The following DOCK6 variants were observed in gnomAD, a reference collection of about 807,000 sequenced individuals.
DOCK6 encodes dedicator of cytokinesis 6.
DOCK6 carries 167 observed loss-of-function variants against 230.3 expected under a neutral mutation model. The observed-to-expected ratio is 0.73, with a 90% CI of 0.64 to 0.82. DOCK6 has a LOEUF of 0.82. Among genes scored for constraint, DOCK6 ranks in the 40% least tolerant of loss-of-function variants. DOCK6 has a pLI of 0.00. For synonymous variants in DOCK6, 1,148 were observed against 1,185.0 expected, an observed-to-expected ratio of 0.97 and a Z score of 0.64; for missense variants, 2,598 against 2,825.8, an observed-to-expected ratio of 0.92 and a Z score of 1.83.
intron 14 of DOCK6, chr19:11,240,250 G>T: frequency 6.3e-7 from 1 of 1,584,014 alleles, no homozygotes; most frequent in Non-Finnish European, 8.6e-7. Context: ...GTCCAGCTGA[G>T]GAGCGCCTGG....
At chr19:11,215,987 C>A in intron 30 of DOCK6, 60 bp from the exon 31 acceptor site, 1 of 1,600,760 alleles carries the variant, frequency 6.2e-7, no homozygotes, top group Non-Finnish European at 8.5e-7. Flanking sequence ...GGGACCTGGG[C>A]TGGCCCCATC....
Position 11,245,642 on chromosome 19 carries a change from T to G in DOCK6, c.944A>C (p.His315Pro), listed in dbSNP as rs1599275334. 2.5e-6 allele frequency: 4 copies of G among 1,605,876 alleles called. No homozygotes were observed. The highest frequency in any genetic ancestry group is 1.3e-5 in the African/African-American group (1 of 74,704). The change falls in exon 9 of 48, where the codon CAC (histidine) becomes CCC (proline). Residue 315 changes from histidine (H) to proline (P), a missense_variant. Coordinates refer to ENST00000294618, the MANE Select transcript of DOCK6 (RefSeq NM_020812.4). ...GCGGGCCAGGGTGGAGATGGCAGGG[T>G]GGGTGCCATGAGCCCGAAGCAGCCC... The part of the protein sequence containing the change: ...MKGLLRAHGT[H>P]PAISTLARSA...
At chr19:11,214,097 A>T (rs866840839) in intron 34 of DOCK6, among the ~76,000 whole-genome samples, 178 bp downstream of exon 34, 1 of 149,118 alleles carries the variant, frequency 6.7e-6, no homozygotes, top group Non-Finnish European at 1.5e-5. Flanking sequence ...CTAATTTTTA[A>T]TTTTTTTGTA....
intron 6 of DOCK6, 69 bp from the exon 7 acceptor site, chr19:11,248,220 C>T: frequency 1.6e-5 from 21 of 1,277,300 alleles, no homozygotes; most frequent in Non-Finnish European, 2.2e-5. Flanking sequence ...GTCTGGAATG[C>T]CCAGCCTCAG....
intron 28 of DOCK6, among the ~76,000 whole-genome samples, chr19:11,219,528 G>A (rs937298629): frequency 5.3e-5 from 8 of 151,546 alleles, no homozygotes; most frequent in East Asian, 4.0e-4. Flanking sequence ...GGTGGCTCAC[G>A]CCTGTAATCC....
rs530689577 is a variant in DOCK6 at position 11,214,360 on chromosome 19, T to C, written c.4253A>G (p.Lys1418Arg). 1.4e-3 allele frequency: 2,259 copies of C among 1,613,678 alleles called. 57 individuals carry two copies. In the South Asian group the frequency reaches 0.024, roughly 17 times the overall value. ...ARESVLGAVL[K>R]VVLYSLGSAQ... Reference sequence around the variant, plus strand: ...ACTGCCCAGGCTGTACAGCACAACCTTCAGCACTGCCCCCAAGACGCTCTC... The same window carrying C: ...ACTGCCCAGGCTGTACAGCACAACCCTCAGCACTGCCCCCAAGACGCTCTC... Residue 1418 changes from lysine (K) to arginine (R), a missense_variant, in exon 34 of 48, where the codon AAG (lysine) becomes AGG (arginine). Coordinates refer to ENST00000294618, the MANE Select transcript of DOCK6 (RefSeq NM_020812.4).
At chr19:11,239,498 C>G (rs2079905522) in intron 14 of DOCK6, 4 of 1,060,700 alleles carry the variant, frequency 3.8e-6, no homozygotes, top group Admixed American at 2.6e-5. Flanking sequence ...TCGCCTGATG[C>G]AACTATCGCA....
intron 37 of DOCK6, among the ~76,000 whole-genome samples, chr19:11,211,514 C>T: frequency 1.3e-5 from 2 of 149,364 alleles, no homozygotes; most frequent in South Asian, 2.2e-4. Flanking sequence ...GCTCACCTGT[C>T]CCCCTCACCT....
chr19:11,252,766 C>G lies in DOCK6; in HGVS notation c.308+17G>C, dbSNP rs764632998. The G allele has an allele frequency of 1.2e-6, 2 of 1,601,066 alleles. No homozygotes were observed. The highest frequency in any genetic ancestry group is 1.1e-5 in the South Asian group (1 of 90,162). ...AGAGTGGAATCACAGGCAGAGAGGG[C>G]GTGGGGCTGAACCCACTCATCCTTG... On this transcript the variant is annotated intron_variant, in intron 3 of 47. Coordinates refer to ENST00000294618, the MANE Select transcript of DOCK6 (RefSeq NM_020812.4).
At chr19:11,248,370 T>C (rs1340509451) in intron 6 of DOCK6, among the ~76,000 whole-genome samples, 1 of 152,096 alleles carries the variant, frequency 6.6e-6, no homozygotes, top group Non-Finnish European at 1.5e-5. Context: ...TCATATATAC[T>C]TCTACTATAT....
At chr19:11,251,152 A>AAG in intron 5 of DOCK6, 66 bp from the exon 6 acceptor site, 1 of 1,438,782 alleles carries the variant, frequency 7.0e-7, no homozygotes, top group Non-Finnish European at 9.6e-7. Flanking sequence ...CTCTGGTGAG[A>AAG]GTGTCCTCAT....
At chr19:11,237,285 G>T in intron 18 of DOCK6, 171 bp downstream of exon 18, 1 of 684,228 alleles carries the variant, frequency 1.5e-6, no homozygotes. Flanking sequence ...CTTTGGGGAG[G>T]ACATGTAGGA....
In DOCK6 at chr19:11,201,848, CTCA is replaced by C; in HGVS notation, c.5688+38_5688+40del. ...CTCCCCTCCCAGGGTCTGATGTCCC[CTCA>C]CCTCCCCACCCCCGCCAGGCCCAGG... On this transcript the variant is annotated intron_variant, in intron 44 of 47. Transcript: ENST00000294618. The surrounding 1 kb of genome is among the most constrained non-coding windows in gnomAD (Gnocchi z 4.3). 2 of 1,452,542 alleles carry C rather than the reference CTCA, an allele frequency of 1.4e-6. No homozygotes were observed. Among genetic ancestry groups the C allele is most frequent in the Non-Finnish European group, 9.4e-7 (1 of 1,069,204 alleles). 90.0% of individuals were successfully genotyped at this position (1,452,542 alleles called of 1,614,324 possible).
chr19:11,220,316 C>T (rs1442995757), intron 28 of DOCK6, among the ~76,000 whole-genome samples: 1 of 152,106 alleles, frequency 6.6e-6, no homozygotes, highest in Non-Finnish European at 1.5e-5. Context: ...AAAAAGGTAA[C>T]CCCCATTCTC....
chr19:11,257,397 C>T (rs565029818), intron 1 of DOCK6, among the ~76,000 whole-genome samples: 39 of 138,110 alleles, frequency 2.8e-4, no homozygotes, highest in East Asian at 1.2e-3. Context: ...GAGGCCAAGG[C>T]GGGAGGATCG....
At chr19:11,229,168 A>G (rs1599243058) in intron 22 of DOCK6, 133 bp from the exon 23 acceptor site, 1 of 1,204,526 alleles carries the variant, frequency 8.3e-7, no homozygotes, top group Admixed American at 2.4e-5. Context: ...GAGGAGGGGG[A>G]CAAGAGGAGT....
intron 28 of DOCK6, 131 bp from the exon 29 acceptor site, chr19:11,217,522 A>C: frequency 8.2e-7 from 1 of 1,217,150 alleles, no homozygotes; most frequent in Non-Finnish European, 1.1e-6. Context: ...TTTGGGAGGC[A>C]GAGGCGGGTG....
intron 23 of DOCK6, among the ~76,000 whole-genome samples, chr19:11,228,167 C>T (rs530173593): frequency 6.6e-5 from 10 of 152,156 alleles, no homozygotes; most frequent in Admixed American, 2.0e-4. Context: ...CGCACTACTA[C>T]GCCCGGCTAA....
chr19:11,215,914 A>G lies in DOCK6; in HGVS notation c.3908T>C (p.Phe1303Ser), dbSNP rs868123661. The change falls in exon 31 of 48, where the codon TTT (phenylalanine) becomes TCT (serine). Residue 1303 changes from phenylalanine to serine, a missense_variant. By Grantham distance (155) the Phe-to-Ser change is radical. Transcript: ENST00000294618. The part of the protein sequence containing the change: ...AAFEYKGKKA[F>S]ERINSLTFKK... ...GAATGTGAGGCTGTTGATGCGTTCA[A>G]AGGCCTTTTTCCCCTGGGGGTGCAG... 1 of 1,613,712 alleles carries G rather than the reference A, an allele frequency of 6.2e-7. No homozygotes were observed. Among genetic ancestry groups the G allele is most frequent in the African/African-American group, 1.3e-5 (1 of 74,954 alleles).
Sources: gnomAD v4.1 joint callset for allele counts (sites outside exome capture counted in the v4.1 genomes callset) on GRCh38, gnomAD v4.1.1 for gene constraint, Gnocchi (gnomAD v3.1) non-coding constraint, MANE v1.5 for transcripts, NCBI Gene and HGNC (gene_info 2026-07-23, HGNC 2026-07-21) for gene names.